G6PC2: variants seen among roughly 807,000 people sequenced by gnomAD.
G6PC2 encodes glucose-6-phosphatase catalytic subunit 2, also known as glucose-6-phosphatase 2.
Under a neutral mutation model 35.4 loss-of-function variants are expected in G6PC2, and 41 were observed. That is an observed-to-expected ratio of 1.16 (90% confidence interval 0.90 to 1.50). The LOEUF is 1.50. Among genes scored for constraint, G6PC2 ranks in the 40% most tolerant of loss-of-function variants. The pLI is 0.00. For synonymous variants in G6PC2, 165 were observed against 153.2 expected (o/e 1.08, Z -0.57); for missense variants, 441 against 426.5 (o/e 1.03, Z -0.30).
chr2:168,906,378 C>T (rs1422627911), intron 3 of G6PC2, among the ~76,000 whole-genome samples: 1 of 152,148 alleles, frequency 6.6e-6, no homozygotes, highest in Non-Finnish European at 1.5e-5. Context: ...AACAGTTATT[C>T]TTATTTAATG....
intron 2 of G6PC2, 148 bp from the exon 3 acceptor site, chr2:168,904,357 A>G: frequency 1.4e-6 from 1 of 716,876 alleles, no homozygotes; most frequent in Admixed American, 1.9e-5. Flanking sequence ...TCTTATTTCT[A>G]CCCACTTCTA....
chr2:168,906,949 C>T (rs2105856079), intron 4 of G6PC2, among the ~76,000 whole-genome samples, 170 bp downstream of exon 4: 1 of 152,332 alleles, frequency 6.6e-6, no homozygotes, highest in East Asian at 1.9e-4. Context: ...ACACACCTCT[C>T]ATAGCCTCCA....
intron 1 of G6PC2, among the ~76,000 whole-genome samples, chr2:168,901,753 T>G (rs1044395949): frequency 7.6e-6 from 1 of 131,284 alleles, no homozygotes; most frequent in African/African-American, 2.8e-5. Flanking sequence ...TTTTTTTTTT[T>G]GAGACAGAGT....
Position 168,907,993 on chromosome 2 carries a change from A to C in G6PC2, c.982A>C (p.Ser328Arg). The C allele has an allele frequency of 1.2e-6, 2 of 1,613,476 alleles. No individual in the cohort carries two copies. Among genetic ancestry groups the C allele is most frequent in the Non-Finnish European group, 1.7e-6 (2 of 1,179,396 alleles). ...ATTTTATGTGCTGTCTTTTTGTAAA[A>C]GTGCATCCATTCCCCTAACTGTGGT... ...HLFYVLSFCK[S>R]ASIPLTVVAF... Residue 328 changes from serine to arginine, a missense_variant, in exon 5 of 5, where the codon AGT becomes CGT. Transcript: ENST00000375363.
Position 168,901,494 on chromosome 2 carries a change from A to G in G6PC2, c.163A>G (p.Thr55Ala), listed in dbSNP as rs1690591994. 1 of 1,598,392 alleles carries G rather than the reference A, an allele frequency of 6.3e-7. No homozygotes were observed. The highest frequency in any genetic ancestry group is 8.6e-7 in the Non-Finnish European group (1 of 1,165,804). The change falls in exon 1 of 5, where the codon ACC becomes GCC. Residue 55 changes from threonine (T) to alanine (A), a missense_variant. Thr to Ala is a moderately conservative substitution (Grantham distance 58). Transcript: ENST00000375363. ...LCFQFNQTVG[T>A]KMIWVAVIGD... is the part of the protein sequence containing the mutation. ...TTTTCAATTTAATCAGACAGTTGGA[A>G]CCAAGATGATATGGGTAGCAGTCAT...
chr2:168,907,805 T>C lies in G6PC2; in HGVS notation c.794T>C (p.Val265Ala). ...PFAGLVRNLG[V>A]LFGLGFAINS... is the part of the protein sequence containing the mutation. ...GCTGGACTCGTGAGAAACCTTGGGG[T>C]CCTCTTTGGCTTGGGCTTTGCAATC... Residue 265 changes from valine (V) to alanine (A), a missense_variant, in exon 5 of 5, where the codon GTC becomes GCC. Coordinates refer to ENST00000375363, the MANE Select transcript of G6PC2 (RefSeq NM_021176.3). 1.2e-6 allele frequency: 2 copies of C among 1,614,024 alleles called. No individual in the cohort carries two copies. The highest frequency in any genetic ancestry group is 1.7e-6 in the Non-Finnish European group (2 of 1,180,012).
intron 3 of G6PC2, among the ~76,000 whole-genome samples, chr2:168,905,612 G>T (rs1690692677): frequency 1.3e-5 from 2 of 152,060 alleles, no homozygotes; most frequent in African/African-American, 4.8e-5. Flanking sequence ...TTCAAAGTAG[G>T]AATCTAGGTC....
rs761735506 is a variant in G6PC2, at chr2:168,902,572, G to C, written c.328+18G>C. 3 of 980,430 alleles carry C rather than the reference G, an allele frequency of 3.1e-6. No homozygotes were observed. The highest frequency in any genetic ancestry group is 3.4e-5 in the Admixed American group (2 of 59,274). The allele number at this position is 980,430 out of a possible 1,614,324, so 60.7% of individuals were successfully genotyped here. ...AGGTCCAGGTAAGCTATTACAGCAG[G>C]CTCCAGTTACTGAAGATCTTCCAAT... is the stretch of plus-strand genomic sequence containing the variant. On this transcript the variant is annotated intron_variant, in intron 2 of 4. Transcript: ENST00000375363.
intron 2 of G6PC2, among the ~76,000 whole-genome samples, chr2:168,903,972 A>G (rs531528338): frequency 8.5e-4 from 130 of 152,266 alleles, no homozygotes; most frequent in Admixed American, 3.7e-3. Context: ...AGTACACAGC[A>G]GTCATTTGTA....
In G6PC2 at chr2:168,901,554, G is replaced by T; in HGVS notation, c.218+5G>T. The T allele has an allele frequency of 7.3e-7, 1 of 1,374,756 alleles. No individual in the cohort carries two copies. The highest frequency in any genetic ancestry group is 1.0e-6 in the Non-Finnish European group (1 of 963,746). The allele number at this position is 1,374,756 out of a possible 1,614,324, so 85.2% of individuals were successfully genotyped here. Reference sequence around the variant, plus strand: ...GTTAAATCTTATATTTAAATGGTAAGATTTCTGTTTTATTTCATTTTTTCC... The same window carrying T: ...GTTAAATCTTATATTTAAATGGTAATATTTCTGTTTTATTTCATTTTTTCC... On this transcript the variant is annotated splice_donor_5th_base_variant and intron_variant, in intron 1 of 4. Coordinates refer to ENST00000375363, the MANE Select transcript of G6PC2 (RefSeq NM_021176.3).
rs778025780 is a variant in G6PC2, at chr2:168,907,881, G to A, written c.870G>A (p.Leu290=). The stretch of plus-strand genomic sequence containing the variant: ...GCCGAGGGGGAAATAACTACACACT[G>A]AGCTTCCGGTTGCTCTGTGCCTTGA... The part of the protein sequence containing the change: ...LSCRGGNNYT[L]SFRLLCALTS... The change falls in exon 5 of 5, where the codon CTG becomes CTA. Residue 290 remains leucine, a synonymous_variant. Transcript: ENST00000375363. The A allele has an allele frequency of 1.9e-6, 3 of 1,613,972 alleles. No homozygotes were observed.
chr2:168,902,052 A>G (rs964898846), intron 1 of G6PC2, among the ~76,000 whole-genome samples: 1 of 152,202 alleles, frequency 6.6e-6, no homozygotes, highest in Non-Finnish European at 1.5e-5. Context: ...GTGTACTTTA[A>G]TGACTTATAA....
Position 168,908,188 on chromosome 2 carries a change from A to AGC in G6PC2, c.*111_*112dup. ...GGCTTCTAATCCGACTTCACAGAAT[A>AGC]GCGGCACAGGCCCCATTCCCCATAG... On this transcript the variant is annotated 3_prime_UTR_variant, in exon 5 of 5. Coordinates refer to ENST00000375363, the MANE Select transcript of G6PC2 (RefSeq NM_021176.3). The AGC allele has an allele frequency of 1.1e-6, 1 of 914,192 alleles. No individual in the cohort carries two copies. The highest frequency in any genetic ancestry group is 1.6e-5 in the African/African-American group (1 of 61,426). 56.6% of individuals were successfully genotyped at this position (914,192 alleles called of 1,614,324 possible). A position where few individuals can be genotyped will look rare whatever the true frequency, so the allele number is the denominator to read the frequency against.
At chr2:168,906,928 G>T in intron 4 of G6PC2, 149 bp downstream of exon 4, 1 of 694,836 alleles carries the variant, frequency 1.4e-6, no homozygotes, top group South Asian at 1.5e-5. Flanking sequence ...CCCGGGAGCT[G>T]ACGTGGTACA....
chr2:168,902,601 G>T, intron 2 of G6PC2, 47 bp downstream of exon 2: 1 of 819,566 alleles, frequency 1.2e-6, no homozygotes, highest in South Asian at 1.3e-5. Context: ...TTCCAATAGA[G>T]AATCATTACA....
rs2105858320 is a variant in G6PC2, at chr2:168,908,134, G to A, written c.*55G>A. On this transcript the variant is annotated 3_prime_UTR_variant, in exon 5 of 5. Coordinates refer to ENST00000375363, the MANE Select transcript of G6PC2 (RefSeq NM_021176.3). The stretch of plus-strand genomic sequence containing the variant: ...ACAGATCACCCTTCTCCATCCACCA[G>A]TAGAGCCACAGAGTAGGCACAGACC... The A allele has an allele frequency of 6.9e-7, 1 of 1,442,430 alleles. No individual in the cohort carries two copies. The highest frequency in any genetic ancestry group is 9.7e-7 in the Non-Finnish European group (1 of 1,026,688). The allele number at this position is 1,442,430 out of a possible 1,614,324, so 89.4% of individuals were successfully genotyped here.
chr2:168,902,539 T>C lies in G6PC2; in HGVS notation c.313T>C (p.Cys105Arg). 1 of 1,481,270 alleles carries C rather than the reference T, an allele frequency of 6.8e-7. No homozygotes were observed. The highest frequency in any genetic ancestry group is 1.7e-5 in the Admixed American group (1 of 59,862). 91.8% of individuals were successfully genotyped at this position (1,481,270 alleles called of 1,614,324 possible). The change falls in exon 2 of 5, where the codon TGT becomes CGT. Residue 105 changes from cysteine (C) to arginine (R), a missense_variant. Coordinates refer to ENST00000375363, the MANE Select transcript of G6PC2 (RefSeq NM_021176.3). ...ATGCCTTGAACAGTTCCCTACTACA[T>C]GTGAAACAGGTCCAGGTAAGCTATT... ...SPCLEQFPTT[C>R]ETGPGSPSGH...
chr2:168,907,700 T>A lies in G6PC2; in HGVS notation c.689T>A (p.Ile230Asn). The change falls in exon 5 of 5, where the codon ATT (isoleucine) becomes AAT (asparagine). Residue 230 changes from isoleucine to asparagine, a missense_variant. By Grantham distance (149) the Ile-to-Asn change is moderately radical. Coordinates refer to ENST00000375363, the MANE Select transcript of G6PC2 (RefSeq NM_021176.3). ...GFYLLLRVLNIDLLWSVPIAK... is the reference protein window; with the variant it reads ...GFYLLLRVLNNDLLWSVPIAK... ...TACCTGCTTCTTAGGGTGCTCAACATTGACCTGCTGTGGTCCGTGCCCATA... is the reference window on the plus strand; with the variant it reads ...TACCTGCTTCTTAGGGTGCTCAACAATGACCTGCTGTGGTCCGTGCCCATA... 1 of 1,614,132 alleles carries A rather than the reference T, an allele frequency of 6.2e-7. No individual in the cohort carries two copies. Among genetic ancestry groups the A allele is most frequent in the Non-Finnish European group, 8.5e-7 (1 of 1,179,998 alleles).
chr2:168,902,985 T>A (rs1177489416), intron 2 of G6PC2: 1 of 231,712 alleles, frequency 4.3e-6, no homozygotes, highest in Non-Finnish European at 8.5e-6. Flanking sequence ...AAGTCTTCTG[T>A]AAGAAAGGTA....
Sources: gnomAD v4.1 joint callset for allele counts (sites outside exome capture counted in the v4.1 genomes callset) on GRCh38, gnomAD v4.1.1 for gene constraint, MANE v1.5 for transcripts, NCBI Gene and HGNC (gene_info 2026-07-23, HGNC 2026-07-21) for gene names.